The following FREM2 variants were observed in gnomAD, a reference collection of about 807,000 sequenced individuals.
FREM2 encodes the protein FRAS1-related extracellular matrix protein 2.
FREM2 carries 119 observed loss-of-function variants against 219.9 expected under a neutral mutation model. The observed-to-expected ratio is 0.54, with a 90% CI of 0.47 to 0.63. The LOEUF is 0.63. FREM2 is among the 30% of genes least tolerant of loss of function. The pLI, the probability that FREM2 is intolerant of heterozygous loss-of-function variation, is 0.00. For missense variants in FREM2, 4,030 were observed against 3,993.6 expected, an observed-to-expected ratio of 1.01 and a Z score of -0.25; for synonymous variants, 1,562 against 1,522.8, an observed-to-expected ratio of 1.03 and a Z score of -0.60.
At chr13:38,790,477 A>C (rs1874516917) in intron 6 of FREM2, among the ~76,000 whole-genome samples, 1 of 152,138 alleles carries the variant, frequency 6.6e-6, no homozygotes, top group African/African-American at 2.4e-5. Context: ...TTTCAAGTAT[A>C]TCCTTCAAAA....
chr13:38,791,988 A>G (rs1253941356), intron 6 of FREM2, among the ~76,000 whole-genome samples: 1 of 152,142 alleles, frequency 6.6e-6, no homozygotes, highest in East Asian at 1.9e-4. Flanking sequence ...ATTGTTTGTC[A>G]TTGGAAATCA....
Position 38,785,605 on chromosome 13 carries a change from A to G in FREM2, c.6019+797A>G, listed in dbSNP as rs987280063. Among the ~76,000 whole-genome samples, 3 of 152,334 alleles carry G rather than the reference A, an allele frequency of 2.0e-5. No homozygotes were observed. In the East Asian group the frequency reaches 5.8e-4, roughly 29 times the overall value. On this transcript the variant is annotated intron_variant, in intron 6 of 23. Coordinates refer to ENST00000280481, the MANE Select transcript of FREM2 (RefSeq NM_207361.6). The stretch of plus-strand genomic sequence containing the variant: ...TTTGGAAAGAAGCTGGAAGACAGTC[A>G]AAAGACCAAACTGAGGAAGCTGAAA...
At chr13:38,784,292 G>T (rs1292671459) in intron 5 of FREM2, among the ~76,000 whole-genome samples, 4 of 149,918 alleles carry the variant, frequency 2.7e-5, no homozygotes, top group Admixed American at 1.3e-4. Context: ...CTATTAATTT[G>T]TAACATTGTG....
intron 6 of FREM2, among the ~76,000 whole-genome samples, chr13:38,813,889 T>C (rs972797824): frequency 6.6e-6 from 1 of 151,926 alleles, no homozygotes; most frequent in African/African-American, 2.4e-5. Context: ...CACTGCTTTT[T>C]ATTCTCTTTT....
intron 2 of FREM2, among the ~76,000 whole-genome samples, chr13:38,748,277 T>C (rs1222135024): frequency 6.6e-6 from 1 of 152,228 alleles, no homozygotes; most frequent in African/African-American, 2.4e-5. Flanking sequence ...CAAACTAACA[T>C]ATTTATTTTG....
chr13:38,789,342 C>G (rs1352584729), intron 6 of FREM2, among the ~76,000 whole-genome samples: 2 of 151,576 alleles, frequency 1.3e-5, no homozygotes, highest in African/African-American at 4.8e-5. Context: ...TCTACATTTT[C>G]AAAATAATAC....
rs1391872001 is a variant in FREM2 at position 38,690,666 on chromosome 13, A to G, written c.3322A>G (p.Ile1108Val). 4 of 1,613,960 alleles carry G rather than the reference A, an allele frequency of 2.5e-6. No homozygotes were observed. Among genetic ancestry groups the G allele is most frequent in the Non-Finnish European group, 3.4e-6 (4 of 1,180,022 alleles). Residue 1108 changes from isoleucine (I) to valine (V), a missense_variant, in exon 1 of 24, where the codon ATT becomes GTT. Around this residue, in one of 2 missense-constraint regions of FREM2, gnomAD observed 3,102 missense variants for 2,950.7 expected, o/e 1.05. Transcript: ENST00000280481. ...TGATGACATCTTGTGCACTATAGTTATTCAGCCTACTTCAGGTTATGTTGA... is the reference window on the plus strand; with the variant it reads ...TGATGACATCTTGTGCACTATAGTTGTTCAGCCTACTTCAGGTTATGTTGA... ...LNDDILCTIV[I>V]QPTSGYVENI... is the part of the protein sequence containing the mutation.
intron 6 of FREM2, among the ~76,000 whole-genome samples, chr13:38,840,194 C>G (rs71439789): frequency 0.14 from 21,499 of 152,008 alleles, 1,754 homozygotes; most frequent in Admixed American, 0.24. Flanking sequence ...CATGGCTTCC[C>G]TTGGCCAGGG....
chr13:38,848,537 C>T lies in FREM2; in HGVS notation c.6246C>T (p.Val2082=), dbSNP rs773156613. The T allele has an allele frequency of 9.3e-6, 15 of 1,614,012 alleles. 1 individual carries two copies. In the South Asian group the frequency reaches 1.5e-4, roughly 17 times the overall value. The part of the protein sequence containing the change: ...PGVNMQPVRV[V]ILDDLGQPAL... Reference sequence around the variant, plus strand: ...TCAACATGCAGCCTGTTCGTGTTGTCATTCTGGATGACCTTGGACAACCAG... The same window carrying T: ...TCAACATGCAGCCTGTTCGTGTTGTTATTCTGGATGACCTTGGACAACCAG... Residue 2082 remains valine, a synonymous_variant, in exon 8 of 24, where the codon GTC becomes GTT. Transcript: ENST00000280481.
chr13:38,692,633 G>A, intron 1 of FREM2, 116 bp downstream of exon 1: 2 of 1,251,294 alleles, frequency 1.6e-6, no homozygotes, highest in Non-Finnish European at 2.3e-6. Flanking sequence ...GAAACAAAGG[G>A]GATGGGGAGA....
Position 38,690,923 on chromosome 13 carries a change from G to GGC in FREM2, c.3579_3580insGC (p.Phe1194AlafsTer3), listed in dbSNP as rs1267878132. On this transcript the variant is annotated frameshift_variant, in exon 1 of 24. Transcript: ENST00000280481. LOFTEE classifies it high-confidence loss of function. ...CCACCAATGATGAACAGCCAGAGATGTTTATGAGAGAATTTATGGTGATGG... is the reference window on the plus strand; with the variant it reads ...CCACCAATGATGAACAGCCAGAGATGGCTTTATGAGAGAATTTATGGTGATGG... 1 of 1,614,020 alleles carries GGC rather than the reference G, an allele frequency of 6.2e-7. No homozygotes were observed. Among genetic ancestry groups the GGC allele is most frequent in the Non-Finnish European group, 8.5e-7 (1 of 1,180,014 alleles).
Position 38,690,636 on chromosome 13 carries a change from C to G in FREM2, c.3292C>G (p.Leu1098Val). 6.2e-7 allele frequency: 1 copy of G among 1,613,876 alleles called. No homozygotes were observed. Among genetic ancestry groups the G allele is most frequent in the Non-Finnish European group, 8.5e-7 (1 of 1,180,002 alleles). ...VHISAEDVDS[L>V]NDDILCTIVI... The stretch of plus-strand genomic sequence containing the variant: ...TATAAGTGCTGAAGATGTCGACTCC[C>G]TGAATGATGACATCTTGTGCACTAT... The change falls in exon 1 of 24, where the codon CTG (leucine) becomes GTG (valine). Residue 1098 changes from leucine to valine, a missense_variant. Leu to Val is a conservative substitution (Grantham distance 32). Coordinates refer to ENST00000280481, the MANE Select transcript of FREM2 (RefSeq NM_207361.6).
chr13:38,718,594 C>A (rs75384893), intron 2 of FREM2, among the ~76,000 whole-genome samples: 3 of 152,198 alleles, frequency 2.0e-5, no homozygotes, highest in Non-Finnish European at 4.4e-5. Context: ...ATGTACACAG[C>A]GTTTCTGTAG....
intron 16 of FREM2, among the ~76,000 whole-genome samples, chr13:38,869,835 TTTTCTC>T (rs1878099610): frequency 1.3e-5 from 2 of 152,230 alleles, no homozygotes; most frequent in Admixed American, 6.5e-5. Flanking sequence ...GTTTGGTAGT[TTTTCTC>T]TTGAAAACAA....
At chr13:38,851,186 G>GA in intron 10 of FREM2, 78 bp downstream of exon 10, 1 of 1,442,872 alleles carries the variant, frequency 6.9e-7, no homozygotes, top group Non-Finnish European at 9.6e-7. Flanking sequence ...AAGTGACTCA[G>GA]AAAAATGCCC....
chr13:38,823,401 C>G (rs576657525), intron 6 of FREM2, among the ~76,000 whole-genome samples: 1 of 151,940 alleles, frequency 6.6e-6, no homozygotes, highest in Non-Finnish European at 1.5e-5. Flanking sequence ...ACTGAGCACA[C>G]CTCTCACCTG....
At chr13:38,844,286 T>A (rs9548493) in intron 6 of FREM2, among the ~76,000 whole-genome samples, 18,782 of 152,016 alleles carry the variant, frequency 0.12, 1,395 homozygotes, top group Admixed American at 0.21. Flanking sequence ...TCTTTCTTTC[T>A]CTCTCTCTGT....
chr13:38,783,433 A>T (rs1229398202), intron 5 of FREM2, among the ~76,000 whole-genome samples: 1 of 151,154 alleles, frequency 6.6e-6, no homozygotes, highest in Non-Finnish European at 1.5e-5. Flanking sequence ...AAGGAACTAA[A>T]GCCCAACCCA....
chr13:38,793,517 A>G (rs1031125931), intron 6 of FREM2, among the ~76,000 whole-genome samples: 1 of 152,148 alleles, frequency 6.6e-6, no homozygotes, highest in African/African-American at 2.4e-5. Context: ...GTGAATAACA[A>G]GAGTTTGGAG....
Sources: allele counts gnomAD v4.1 joint callset (sites outside exome capture counted in the v4.1 genomes callset), GRCh38; gene constraint gnomAD v4.1.1; regional missense constraint gnomAD v4.1.1; transcripts MANE v1.5; gene names NCBI Gene and HGNC (gene_info 2026-07-23, HGNC 2026-07-21).